The following HDHD5 variants were observed in gnomAD, a reference collection of about 807,000 sequenced individuals.
HDHD5 encodes the protein haloacid dehalogenase-like hydrolase domain-containing 5.
A neutral mutation model predicts 35.5 loss-of-function variants in HDHD5; 34 were observed. The ratio of observed to expected loss-of-function variants is 0.96; its 90% CI spans 0.73 to 1.28. HDHD5 has a LOEUF of 1.28. Among genes scored for constraint, HDHD5 ranks in the 50% most tolerant of loss-of-function variants. The pLI is 0.00. For synonymous variants in HDHD5, 248 were observed against 240.6 expected, an observed-to-expected ratio of 1.03 and a Z score of -0.29; for missense variants, 589 against 560.2, an observed-to-expected ratio of 1.05 and a Z score of -0.52.
chr22:17,149,183 C>T (rs563461389), intron 2 of HDHD5, among the ~76,000 whole-genome samples: 2 of 152,272 alleles, frequency 1.3e-5, no homozygotes, highest in African/African-American at 4.8e-5. Flanking sequence ...GGATATGGTG[C>T]AGGGCTGCAG....
In HDHD5 at chr22:17,137,533, CATTT is replaced by C. The variant is rs1221612020; in HGVS notation, c.*484_*487del. On this transcript the variant is annotated 3_prime_UTR_variant, in exon 8 of 8. Coordinates refer to ENST00000336737, the MANE Select transcript of HDHD5 (RefSeq NM_033070.3). ...GCTTCACAAGAGTCAGCATCATGAACATTTATTATGATTATTTTATTTAAAAAAA... is the reference window on the plus strand; with the variant it reads ...GCTTCACAAGAGTCAGCATCATGAACATTATGATTATTTTATTTAAAAAAA... The C allele has an allele frequency of 6.5e-6, 1 of 153,860 alleles. No individual in the cohort carries two copies. The highest frequency in any genetic ancestry group is 1.4e-5 in the Non-Finnish European group (1 of 69,340). The allele number at this position is 153,860 out of a possible 1,614,324, so 9.5% of individuals were successfully genotyped here.
chr22:17,159,380 C>G, upstream of HDHD5: 1 of 1,084,254 alleles, frequency 9.2e-7, no homozygotes, highest in Non-Finnish European at 1.2e-6. Context: ...CGCGCGGAGC[C>G]CGTCGGGCGC....
intron 1 of HDHD5, among the ~76,000 whole-genome samples, chr22:17,155,390 C>T (rs1368875097): frequency 3.3e-5 from 5 of 151,922 alleles, no homozygotes; most frequent in Admixed American, 6.6e-5. Flanking sequence ...GGACTACAGA[C>T]GCGCGCCAAC....
intron 1 of HDHD5, among the ~76,000 whole-genome samples, chr22:17,164,748 C>A (rs2061881756): frequency 6.6e-6 from 1 of 152,190 alleles, no homozygotes; most frequent in Non-Finnish European, 1.5e-5. Flanking sequence ...GAAAATATAG[C>A]CTTATGACTG....
At chr22:17,161,352 A>T (rs2061862752), upstream of HDHD5, among the ~76,000 whole-genome samples, 1 of 151,782 alleles carries the variant, frequency 6.6e-6, no homozygotes, top group Admixed American at 6.6e-5. Context: ...TGAGGTCAGG[A>T]GTTCGTGACC....
In HDHD5 at chr22:17,140,802, G is replaced by C. The variant is rs181997040; in HGVS notation, c.746+257C>G. Among the ~76,000 whole-genome samples the C allele has an allele frequency of 2.1e-3, 315 of 152,314 alleles. 1 individual carries two copies. The highest frequency in any genetic ancestry group is 0.01 in the Middle Eastern group (3 of 294). On this transcript the variant is annotated intron_variant, in intron 6 of 7. Coordinates refer to ENST00000336737, the MANE Select transcript of HDHD5 (RefSeq NM_033070.3). Reference sequence around the variant, plus strand: ...GAGCATGTTCTGTAAAGATTACAGGGGGCAGGGGTCACGTGTGAAACATCC... The same window carrying C: ...GAGCATGTTCTGTAAAGATTACAGGCGGCAGGGGTCACGTGTGAAACATCC...
intron 5 of HDHD5, 153 bp downstream of exon 5, chr22:17,142,945 G>T (rs1208660927): frequency 3.8e-5 from 26 of 688,630 alleles, no homozygotes; most frequent in Non-Finnish European, 6.2e-5. Flanking sequence ...CTCAGAGGTG[G>T]TAAGTGGCAG....
chr22:17,143,068 T>C (rs2061616609), intron 5 of HDHD5, 30 bp downstream of exon 5: 1 of 1,607,780 alleles, frequency 6.2e-7, no homozygotes, highest in Non-Finnish European at 8.5e-7. Context: ...AGAAAAGACC[T>C]CACAACTCAT....
upstream of HDHD5, among the ~76,000 whole-genome samples, chr22:17,163,256 T>C (rs2061874419): frequency 6.6e-6 from 1 of 152,196 alleles, no homozygotes; most frequent in Admixed American, 6.5e-5. Context: ...TATTTGGAAT[T>C]TGTAGCCTTC....
At chr22:17,151,780 G>GAGAAT (rs2061729207) in intron 1 of HDHD5, among the ~76,000 whole-genome samples, 1 of 148,626 alleles carries the variant, frequency 6.7e-6, no homozygotes, top group African/African-American at 2.5e-5. Flanking sequence ...GAGAAGAGAA[G>GAGAAT]AGAAAAGGCG....
At chr22:17,152,716 CAA>C (rs1435923526) in intron 1 of HDHD5, among the ~76,000 whole-genome samples, 2 of 152,106 alleles carry the variant, frequency 1.3e-5, no homozygotes, top group East Asian at 3.9e-4. Flanking sequence ...GACCTGCCAG[CAA>C]AAGACAGTGC....
rs143628437 is a variant in HDHD5 at position 17,141,229 on chromosome 22, C to G, written c.576G>C (p.Val192=). 2 of 1,590,660 alleles carry G rather than the reference C, an allele frequency of 1.3e-6. No individual in the cohort carries two copies. Among genetic ancestry groups the G allele is most frequent in the African/African-American group, 2.7e-5 (2 of 73,240 alleles). ...AGCGGACCGGCTCCCCTAGGAGGAG[C>G]ACCCCTTTAAAGAACAGAGGCGCAG... ...PRNDFPRIEG[V]LLLGEPVRWE... is the part of the protein sequence containing the mutation. Residue 192 remains valine (V), a synonymous_variant, in exon 6 of 8, where the codon GTG becomes GTC. Coordinates refer to ENST00000336737, the MANE Select transcript of HDHD5 (RefSeq NM_033070.3).
rs770312416 is a variant in HDHD5, at chr22:17,137,792, G to A, written c.*229C>T. ...GAGGTTAGACTGCCACGAAAGGCAC[G>A]TGGGAACTGGGCCCAGAAAATTCCA... On this transcript the variant is annotated 3_prime_UTR_variant, in exon 8 of 8. Coordinates refer to ENST00000336737, the MANE Select transcript of HDHD5 (RefSeq NM_033070.3). 49 of 532,230 alleles carry A rather than the reference G, an allele frequency of 9.2e-5. No individual in the cohort carries two copies. The highest frequency in any genetic ancestry group is 1.5e-4 in the Non-Finnish European group (44 of 297,188). 33.0% of individuals were successfully genotyped at this position (532,230 alleles called of 1,614,324 possible). A position where few individuals can be genotyped will look rare whatever the true frequency, so the allele number is the denominator to read the frequency against.
intron 1 of HDHD5, among the ~76,000 whole-genome samples, chr22:17,151,158 GTTAA>G (rs2061720673): frequency 6.6e-6 from 1 of 152,104 alleles, no homozygotes; most frequent in Non-Finnish European, 1.5e-5. Context: ...TTTCACAACT[GTTAA>G]TTATCAAACT....
chr22:17,138,504 G>A, intron 7 of HDHD5, 46 bp downstream of exon 7: 1 of 1,585,304 alleles, frequency 6.3e-7, no homozygotes, highest in Non-Finnish European at 8.6e-7. Context: ...AGGAGGGAGA[G>A]AAGGGGATGT....
chr22:17,163,586 C>T (rs146544286), upstream of HDHD5, among the ~76,000 whole-genome samples: 552 of 152,320 alleles, frequency 3.6e-3, 2 homozygotes, highest in South Asian at 0.016. Flanking sequence ...TATATGACCA[C>T]AGTTCTGTTC....
chr22:17,149,415 G>T, intron 2 of HDHD5, 127 bp downstream of exon 2: 2 of 803,144 alleles, frequency 2.5e-6, no homozygotes, highest in Non-Finnish European at 4.0e-6. Context: ...TCTGTGTTCA[G>T]CTGTGGCCAT....
At chr22:17,156,309 T>TA (rs942811027) in intron 1 of HDHD5, among the ~76,000 whole-genome samples, 15 of 150,636 alleles carry the variant, frequency 1.0e-4, no homozygotes, top group Admixed American at 2.0e-4. Context: ...TAACAAAAGT[T>TA]AAAAAAAAAA....
Position 17,159,164 on chromosome 22 carries a change from G to C in HDHD5, c.88C>G (p.Arg30Gly), listed in dbSNP as rs773471009. ...ACAGCATAGCACCTGCGGGCGGGGC[G>C]GCCCTGGAGCCCCGCAGCCGCGCGC... ...AARAAAGLQG[R>G]PARRCYAVGP... The change falls in exon 1 of 8, where the codon CGC becomes GGC. Residue 30 changes from arginine to glycine, a missense_variant. By Grantham distance (125) the Arg-to-Gly change is moderately radical (BLOSUM62 -2). Coordinates refer to ENST00000336737, the MANE Select transcript of HDHD5 (RefSeq NM_033070.3). The C allele has an allele frequency of 6.6e-6, 8 of 1,221,150 alleles. No homozygotes were observed. The East Asian group carries it at 2.0e-4, about 30-fold the overall frequency. 75.6% of individuals were successfully genotyped at this position (1,221,150 alleles called of 1,614,324 possible). A position where few individuals can be genotyped will look rare whatever the true frequency, so the allele number is the denominator to read the frequency against.
Sources: allele counts gnomAD v4.1 joint callset (sites outside exome capture counted in the v4.1 genomes callset), GRCh38; gene constraint gnomAD v4.1.1; transcripts MANE v1.5; gene names NCBI Gene and HGNC (gene_info 2026-07-23, HGNC 2026-07-21).